The following LHCGR variants were observed in gnomAD, a reference collection of about 807,000 sequenced individuals.
The protein encoded by LHCGR is luteinizing hormone/choriogonadotropin receptor.
Under a neutral mutation model 60.7 loss-of-function variants are expected in LHCGR, and 55 were observed. The observed-to-expected ratio is 0.91, with a 90% CI of 0.73 to 1.13. The LOEUF is 1.13. LHCGR is among the 50% of genes most tolerant of loss of function. LHCGR has a pLI of 0.00. For synonymous variants in LHCGR, 337 were observed against 316.5 expected (o/e 1.06, Z -0.69); for missense variants, 862 against 836.0 (o/e 1.03, Z -0.38).
chr2:48,739,379 A>G (rs140178197), intron 1 of LHCGR, among the ~76,000 whole-genome samples: 10,554 of 152,320 alleles, frequency 0.069, 507 homozygotes, highest in Middle Eastern at 0.16. Flanking sequence ...TTATTGCGGC[A>G]CTATTCACAA....
chr2:48,687,476 C>G lies in LHCGR; in HGVS notation c.*221G>C, dbSNP rs62137532. The G allele has an allele frequency of 0.19, 85,501 of 443,248 alleles. 9,127 individuals carry two copies. Among genetic ancestry groups the G allele is most frequent in the South Asian group, 0.24 (4,787 of 19,574 alleles). The allele number at this position is 443,248 out of a possible 1,614,324, so 27.5% of individuals were successfully genotyped here. A position where few individuals can be genotyped will look rare whatever the true frequency, so the allele number is the denominator to read the frequency against. ...CAAAATTTCTATAAAAATTTCTAAA[C>G]ACTCTCAACTTCAGTATTTATGCCA... On this transcript the variant is annotated 3_prime_UTR_variant, in exon 11 of 11. Transcript: ENST00000294954.
At chr2:48,738,453 C>G (rs999144577) in intron 1 of LHCGR, among the ~76,000 whole-genome samples, 2 of 152,186 alleles carry the variant, frequency 1.3e-5, no homozygotes, top group Admixed American at 6.5e-5. Context: ...TCGTTGCTTT[C>G]CCCTGACCAA....
At chr2:48,753,533 C>G (rs552041969) in intron 1 of LHCGR, among the ~76,000 whole-genome samples, 1 of 152,258 alleles carries the variant, frequency 6.6e-6, no homozygotes, top group South Asian at 2.1e-4. Flanking sequence ...GGGTCTCTAC[C>G]CCCAAACCTA....
At chr2:48,717,184 A>G (rs1317418512) in intron 6 of LHCGR, among the ~76,000 whole-genome samples, 3 of 152,212 alleles carry the variant, frequency 2.0e-5, no homozygotes, top group Admixed American at 1.3e-4. Flanking sequence ...CTTTGTTTTC[A>G]CCAAAGCTGC....
rs191692655 is a variant in LHCGR, at chr2:48,738,977, A to C, written c.162-7679T>G. On this transcript the variant is annotated intron_variant, in intron 1 of 10. Transcript: ENST00000294954. ...TCCCTAGGCAAATCAAACTATTTGTACTTCCTGAACTTGACTCACACTTTC... is the reference window on the plus strand; with the variant it reads ...TCCCTAGGCAAATCAAACTATTTGTCCTTCCTGAACTTGACTCACACTTTC... Among the ~76,000 whole-genome samples the C allele has an allele frequency of 2.1e-3, 326 of 152,342 alleles. 1 individual carries two copies. The highest frequency in any genetic ancestry group is 1.8e-3 in the Non-Finnish European group (124 of 68,032).
At chr2:48,705,000 C>G (rs1258356839) in intron 8 of LHCGR, among the ~76,000 whole-genome samples, 1 of 152,200 alleles carries the variant, frequency 6.6e-6, no homozygotes, top group Non-Finnish European at 1.5e-5. Flanking sequence ...AATTTTAGAT[C>G]TTTCCTGCCT....
At chr2:48,713,069 T>C (rs921527556) in intron 7 of LHCGR, among the ~76,000 whole-genome samples, 2 of 152,152 alleles carry the variant, frequency 1.3e-5, no homozygotes, top group Non-Finnish European at 2.9e-5. Context: ...CTTGTTAAAA[T>C]TGCAAATTCT....
chr2:48,722,125 G>A (rs191869627), intron 6 of LHCGR, among the ~76,000 whole-genome samples: 1 of 152,208 alleles, frequency 6.6e-6, no homozygotes, highest in Non-Finnish European at 1.5e-5. Flanking sequence ...ACTCCAGCCT[G>A]GTGACAGAGC....
rs1553392347 is a variant in LHCGR at position 48,713,978 on chromosome 2, A to G, written c.605+8T>C. ...ATTCCTGAGCTGGGGAAATAAGCAA[A>G]TACTTACAGTGAAGTCAGTGTCGTC... On this transcript the variant is annotated splice_region_variant and intron_variant, in intron 7 of 10. Transcript: ENST00000294954. The G allele has an allele frequency of 2.0e-5, 32 of 1,587,068 alleles. No homozygotes were observed. Among genetic ancestry groups the G allele is most frequent in the Non-Finnish European group, 2.8e-5 (32 of 1,155,362 alleles).
rs559023197 is a variant in LHCGR at position 48,693,384 on chromosome 2, G to C, written c.947+840C>G. ...ATTTTGCCAGCGATACTCTGTTACA[G>C]GAAGGTTACTTCCAAAGATTCATAT... On this transcript the variant is annotated intron_variant, in intron 10 of 10. Coordinates refer to ENST00000294954, the MANE Select transcript of LHCGR (RefSeq NM_000233.4). 2.0e-5 allele frequency among the ~76,000 whole-genome samples: 3 copies of C among 152,296 alleles called. No homozygotes were observed. In the South Asian group the frequency reaches 6.2e-4, roughly 32 times the overall value.
chr2:48,751,559 C>A (rs2103744325), intron 1 of LHCGR, among the ~76,000 whole-genome samples: 1 of 152,244 alleles, frequency 6.6e-6, no homozygotes, highest in South Asian at 2.1e-4. Context: ...TACACCTATA[C>A]CAGTCTCTTG....
At chr2:48,691,524 A>C (rs993545682) in intron 10 of LHCGR, among the ~76,000 whole-genome samples, 2 of 152,190 alleles carry the variant, frequency 1.3e-5, no homozygotes, top group Non-Finnish European at 2.9e-5. Context: ...ACTATTAAAG[A>C]AAATAGATCA....
chr2:48,700,353 G>A (rs890918065), intron 8 of LHCGR, among the ~76,000 whole-genome samples: 1 of 152,176 alleles, frequency 6.6e-6, no homozygotes, highest in African/African-American at 2.4e-5. Flanking sequence ...TGCTTTTTGA[G>A]TAAGGGTGGA....
At chr2:48,730,730 T>C (rs1411201740) in intron 2 of LHCGR, among the ~76,000 whole-genome samples, 3 of 152,246 alleles carry the variant, frequency 2.0e-5, no homozygotes, top group Non-Finnish European at 4.4e-5. Context: ...CATGAGATCA[T>C]ACTGCATTAT....
intron 8 of LHCGR, chr2:48,708,681 C>T (rs999673429): frequency 1.8e-6 from 1 of 567,452 alleles, no homozygotes; most frequent in East Asian, 3.0e-5. Flanking sequence ...TCTTCACAGC[C>T]CTCAGAGGGA....
chr2:48,748,660 G>A (rs181396795), intron 1 of LHCGR, among the ~76,000 whole-genome samples: 1 of 152,230 alleles, frequency 6.6e-6, no homozygotes, highest in East Asian at 1.9e-4. Flanking sequence ...ATGGGCTGTG[G>A]GTTTTTTAGT....
chr2:48,755,643 A>G lies in LHCGR; in HGVS notation c.29T>C (p.Leu10Pro), dbSNP rs917607255. 4.6e-6 allele frequency: 7 copies of G among 1,534,128 alleles called. No individual in the cohort carries two copies. Among genetic ancestry groups the G allele is most frequent in the African/African-American group, 1.4e-5 (1 of 72,966 alleles). ...CTGCAGCAGCAGCAGCAGCTTCAGC[A>G]GCTGCAGCGCCGAGAACCGCTGCTT... MKQRFSALQ[L>P]LKLLLLLQPP... Residue 10 changes from leucine to proline, a missense_variant, in exon 1 of 11, where the codon CTG becomes CCG. Physicochemically the swap from Leu to Pro is moderately conservative, Grantham distance 98. Transcript: ENST00000294954.
At chr2:48,714,224 A>G (rs1207856641) in intron 6 of LHCGR, among the ~76,000 whole-genome samples, 170 bp from the exon 7 acceptor site, 1 of 152,186 alleles carries the variant, frequency 6.6e-6, no homozygotes, top group Non-Finnish European at 1.5e-5. Flanking sequence ...ATTAAGTGCT[A>G]GATACTTCAT....
chr2:48,707,296 G>T (rs941533021), intron 8 of LHCGR, among the ~76,000 whole-genome samples: 9 of 152,218 alleles, frequency 5.9e-5, no homozygotes, highest in African/African-American at 2.2e-4. Flanking sequence ...CCTGCCAGAT[G>T]CTGGCCAGAG....
Sources: allele counts gnomAD v4.1 joint callset (sites outside exome capture counted in the v4.1 genomes callset), GRCh38; gene constraint gnomAD v4.1.1; transcripts MANE v1.5; gene names NCBI Gene and HGNC (gene_info 2026-07-23, HGNC 2026-07-21).